Variants in PAPSS1 observed in about 807,000 individuals in gnomAD.
The protein encoded by PAPSS1 is bifunctional 3'-phosphoadenosine 5'-phosphosulfate synthase 1.
PAPSS1 carries 50 observed loss-of-function variants against 72.0 expected under a neutral mutation model. The observed-to-expected ratio is 0.69, with a 90% CI of 0.55 to 0.88. The LOEUF is 0.88. PAPSS1 is among the 40% of genes least tolerant of loss of function. The pLI is 0.00. For missense variants in PAPSS1, 657 were observed against 782.2 expected, an observed-to-expected ratio of 0.84 and a Z score of 1.91; for synonymous variants, 261 against 263.6, an observed-to-expected ratio of 0.99 and a Z score of 0.09.
intron 5 of PAPSS1, among the ~76,000 whole-genome samples, chr4:107,668,753 G>T (rs1350480454): frequency 1.3e-5 from 2 of 151,952 alleles, no homozygotes; most frequent in Admixed American, 1.3e-4. Context: ...TTGTGATCAT[G>T]CAAGTTAATA....
chr4:107,642,975 A>G (rs1026912759), intron 10 of PAPSS1, among the ~76,000 whole-genome samples: 1 of 152,218 alleles, frequency 6.6e-6, no homozygotes, highest in Admixed American at 6.5e-5. Flanking sequence ...GACATGCACT[A>G]AAACCTTCAC....
At chr4:107,677,004 C>T (rs1462514899) in intron 5 of PAPSS1, among the ~76,000 whole-genome samples, 1 of 152,176 alleles carries the variant, frequency 6.6e-6, no homozygotes, top group Non-Finnish European at 1.5e-5. Context: ...GAAACTGGAT[C>T]CCTTCCTTAC....
At chr4:107,617,848 C>T (rs528440469) in intron 11 of PAPSS1, among the ~76,000 whole-genome samples, 5 of 152,190 alleles carry the variant, frequency 3.3e-5, no homozygotes, top group Admixed American at 2.6e-4. Flanking sequence ...AATGTCAAGT[C>T]GACCATGATA....
At chr4:107,675,036 G>A (rs1257145760) in intron 5 of PAPSS1, among the ~76,000 whole-genome samples, 2 of 152,120 alleles carry the variant, frequency 1.3e-5, no homozygotes, top group Admixed American at 1.3e-4. Flanking sequence ...TCAAAGCAGT[G>A]TGTAGAGAGA....
chr4:107,621,141 A>G (rs1048702377), intron 11 of PAPSS1, among the ~76,000 whole-genome samples: 1 of 152,182 alleles, frequency 6.6e-6, no homozygotes, highest in East Asian at 1.9e-4. Flanking sequence ...ACCTAAGGAC[A>G]TGAGTGTGCT....
At chr4:107,671,740 C>T (rs1043902837) in intron 5 of PAPSS1, among the ~76,000 whole-genome samples, 1 of 152,206 alleles carries the variant, frequency 6.6e-6, no homozygotes, top group South Asian at 2.1e-4. Context: ...AATCTACACA[C>T]ATCTTCCCAT....
chr4:107,717,011 G>C (rs1215456171), intron 1 of PAPSS1, among the ~76,000 whole-genome samples: 1 of 151,622 alleles, frequency 6.6e-6, no homozygotes, highest in East Asian at 1.9e-4. Context: ...CTCAATTTCT[G>C]TAACTATGTT....
intron 1 of PAPSS1, among the ~76,000 whole-genome samples, chr4:107,713,897 C>T (rs1302657054): frequency 6.6e-6 from 1 of 152,182 alleles, no homozygotes; most frequent in Non-Finnish European, 1.5e-5. Context: ...TACTGAATTT[C>T]TCTACATAAT....
intron 1 of PAPSS1, chr4:107,719,729 T>C: frequency 1.1e-6 from 1 of 908,478 alleles, no homozygotes; most frequent in Non-Finnish European, 1.4e-6. Context: ...CTGCACATCT[T>C]CAGGCCACTC....
chr4:107,636,687 T>C (rs1726394730), intron 10 of PAPSS1, among the ~76,000 whole-genome samples: 1 of 151,916 alleles, frequency 6.6e-6, no homozygotes, highest in African/African-American at 2.4e-5. Context: ...TTCGAGAAAA[T>C]GAAAAAGCAG....
rs909201805 is a variant in PAPSS1 at position 107,657,101 on chromosome 4, G to T, written c.784-94C>A. The T allele has an allele frequency of 8.9e-5, 71 of 800,172 alleles. No individual in the cohort carries two copies. In the African/African-American group the frequency reaches 1.1e-3, roughly 12 times the overall value. 49.6% of individuals were successfully genotyped at this position (800,172 alleles called of 1,614,324 possible). On this transcript the variant is annotated intron_variant, in intron 6 of 11. Coordinates refer to ENST00000265174, the MANE Select transcript of PAPSS1 (RefSeq NM_005443.5). ...TTAGGAATTTAATTTTGAAAGCAATGGAAACAAACAGTGTAAGGATGAGTA... is the reference window on the plus strand; with the variant it reads ...TTAGGAATTTAATTTTGAAAGCAATTGAAACAAACAGTGTAAGGATGAGTA...
chr4:107,662,913 C>A (rs1727225707), intron 5 of PAPSS1, among the ~76,000 whole-genome samples: 1 of 152,112 alleles, frequency 6.6e-6, no homozygotes, highest in African/African-American at 2.4e-5. Context: ...CCTGGAAGGA[C>A]AATACGATGT....
At chr4:107,653,126 A>C (rs891961658) in intron 9 of PAPSS1, among the ~76,000 whole-genome samples, 31 of 101,606 alleles carry the variant, frequency 3.1e-4, no homozygotes, top group African/African-American at 7.4e-4. Context: ...TATATACATG[A>C]ATATATATGA....
chr4:107,622,781 A>T (rs929091707), intron 11 of PAPSS1, among the ~76,000 whole-genome samples: 1 of 152,252 alleles, frequency 6.6e-6, no homozygotes, highest in African/African-American at 2.4e-5. Flanking sequence ...CACAATAATG[A>T]TGGTGTGTGA....
intron 10 of PAPSS1, among the ~76,000 whole-genome samples, chr4:107,634,828 C>CT (rs1726319105): frequency 8.5e-6 from 1 of 117,880 alleles, no homozygotes; most frequent in South Asian, 2.7e-4. Flanking sequence ...GAGATGGAGT[C>CT]TCGCTGTGTC....
At chr4:107,688,253 T>C (rs1722837718) in intron 3 of PAPSS1, among the ~76,000 whole-genome samples, 1 of 152,104 alleles carries the variant, frequency 6.6e-6, no homozygotes, top group African/African-American at 2.4e-5. Context: ...TTAAAACAAA[T>C]GAACTGCTAA....
intron 1 of PAPSS1, among the ~76,000 whole-genome samples, chr4:107,715,105 T>C (rs1723600962): frequency 2.0e-5 from 3 of 152,244 alleles, no homozygotes; most frequent in South Asian, 2.1e-4. Flanking sequence ...ATGATGAAAA[T>C]GTTCTATACT....
intron 11 of PAPSS1, among the ~76,000 whole-genome samples, chr4:107,617,205 G>T (rs72673554): frequency 8.2e-5 from 12 of 146,658 alleles, no homozygotes; most frequent in African/African-American, 2.8e-4. Context: ...ATGAGTCTTC[G>T]GCTTTTTTTT....
chr4:107,653,392 C>A (rs762770365), intron 9 of PAPSS1, 99 bp downstream of exon 9: 1 of 1,090,964 alleles, frequency 9.2e-7, no homozygotes, highest in South Asian at 1.7e-5. Context: ...CTATATTTAC[C>A]TGTACTCATC....
Sources: allele counts gnomAD v4.1 joint callset (sites outside exome capture counted in the v4.1 genomes callset), GRCh38; gene constraint gnomAD v4.1.1; transcripts MANE v1.5; gene names NCBI Gene and HGNC (gene_info 2026-07-23, HGNC 2026-07-21).